Variants in ANO2 observed in about 807,000 individuals in gnomAD.
The protein encoded by ANO2 is anoctamin-2.
A neutral mutation model predicts 124.2 loss-of-function variants in ANO2; 101 were observed. The observed-to-expected ratio is 0.81, with a 90% confidence interval of 0.69 to 0.96. The LOEUF is 0.96. Ranked by LOEUF, ANO2 falls within the 40% of genes least tolerant of loss-of-function variation. The pLI, the probability that ANO2 is intolerant of heterozygous loss-of-function variation, is 0.00. For synonymous variants in ANO2, 486 were observed against 482.5 expected, an observed-to-expected ratio of 1.01 and a Z score of -0.09; for missense variants, 1,293 against 1,274.5, an observed-to-expected ratio of 1.01 and a Z score of -0.22.
At chr12:5,813,074 G>GAGGAAGGA (rs71064169) in intron 7 of ANO2, among the ~76,000 whole-genome samples, 120 of 146,126 alleles carry the variant, frequency 8.2e-4, no homozygotes, top group African/African-American at 1.6e-3. Flanking sequence ...GAAGACGAAA[G>GAGGAAGGA]AGGAAGGAAA....
intron 17 of ANO2, 42 bp from the exon 18 acceptor site, chr12:5,613,000 C>T: frequency 6.2e-7 from 1 of 1,602,958 alleles, no homozygotes; most frequent in Non-Finnish European, 8.5e-7. Flanking sequence ...GAAGAGAAAG[C>T]ATGCAGGGTG....
chr12:5,923,038 ACATG>A (rs1941797742), intron 1 of ANO2, among the ~76,000 whole-genome samples: 1 of 145,792 alleles, frequency 6.9e-6, no homozygotes, highest in African/African-American at 2.6e-5. Context: ...ACATACACAC[ACATG>A]CACGCACACA....
chr12:5,822,856 T>C (rs1432213090), intron 7 of ANO2, among the ~76,000 whole-genome samples: 1 of 152,172 alleles, frequency 6.6e-6, no homozygotes, highest in Non-Finnish European at 1.5e-5. Flanking sequence ...TCCACATGGT[T>C]GGGGAGGCCC....
intron 3 of ANO2, among the ~76,000 whole-genome samples, chr12:5,878,731 G>C (rs1275267513): frequency 2.6e-5 from 4 of 152,176 alleles, no homozygotes; most frequent in Non-Finnish European, 5.9e-5. Flanking sequence ...GATTTACACA[G>C]CATTTTATGT....
intron 10 of ANO2, among the ~76,000 whole-genome samples, chr12:5,771,451 T>TA (rs1411516613): frequency 6.6e-6 from 1 of 152,090 alleles, no homozygotes; most frequent in Non-Finnish European, 1.5e-5. Context: ...TTCTATTTTA[T>TA]AAAAAAATGG....
chr12:5,884,053 G>A (rs1399324093), intron 3 of ANO2, among the ~76,000 whole-genome samples: 6 of 152,196 alleles, frequency 3.9e-5, no homozygotes, highest in Non-Finnish European at 8.8e-5. Context: ...GAATAACAGA[G>A]TTGGGAAACC....
At chr12:5,643,653 T>G (rs1454227015) in intron 15 of ANO2, among the ~76,000 whole-genome samples, 1 of 152,232 alleles carries the variant, frequency 6.6e-6, no homozygotes, top group African/African-American at 2.4e-5. Flanking sequence ...TTTTGTTTTT[T>G]CAACTTATAC....
At chr12:5,827,907 C>T (rs948520209) in intron 6 of ANO2, 87 bp from the exon 7 acceptor site, 72 of 1,456,588 alleles carry the variant, frequency 4.9e-5, no homozygotes, top group Non-Finnish European at 6.5e-5. Context: ...CTGGCAGGGG[C>T]GGGAGGCGCC....
At chr12:5,730,260 T>G (rs1478386429) in intron 14 of ANO2, among the ~76,000 whole-genome samples, 1 of 152,210 alleles carries the variant, frequency 6.6e-6, no homozygotes, top group Non-Finnish European at 1.5e-5. Flanking sequence ...TCAATAAACA[T>G]GTTTAAAAAG....
intron 3 of ANO2, among the ~76,000 whole-genome samples, chr12:5,878,783 G>A (rs1938286929): frequency 6.6e-6 from 1 of 152,208 alleles, no homozygotes; most frequent in Non-Finnish European, 1.5e-5. Flanking sequence ...TTGTGACTTA[G>A]AGATGCCAGG....
chr12:5,903,972 T>C (rs11614570), intron 3 of ANO2, among the ~76,000 whole-genome samples: 31,961 of 152,070 alleles, frequency 0.21, 3,483 homozygotes, highest in Admixed American at 0.28. Flanking sequence ...AGCCCCCACA[T>C]GGAGGAAACC....
intron 20 of ANO2, among the ~76,000 whole-genome samples, chr12:5,598,556 A>T (rs1943778064): frequency 6.6e-6 from 1 of 152,068 alleles, no homozygotes; most frequent in Admixed American, 6.5e-5. Context: ...GAGTTTCACC[A>T]TGTTGGCCAG....
chr12:5,735,271 C>T (rs1950811057), intron 13 of ANO2, among the ~76,000 whole-genome samples: 1 of 152,160 alleles, frequency 6.6e-6, no homozygotes. Flanking sequence ...AGATCATCAC[C>T]CCTCCCATCG....
At chr12:5,847,407 G>A (rs534971991) in intron 4 of ANO2, among the ~76,000 whole-genome samples, 1 of 151,746 alleles carries the variant, frequency 6.6e-6, no homozygotes, top group East Asian at 1.9e-4. Flanking sequence ...AGACTTCCCA[G>A]CCACCATAAT....
intron 14 of ANO2, among the ~76,000 whole-genome samples, chr12:5,702,454 G>A (rs1006694729): frequency 2.6e-5 from 4 of 151,688 alleles, no homozygotes; most frequent in African/African-American, 9.7e-5. Flanking sequence ...AATATATAAA[G>A]AGCTCCTATA....
rs1555137018 is a variant in ANO2, at chr12:5,694,251, C to CAGACAGAGAGAGAGAGAGAG, written c.1545+38268_1545+38269insCTCTCTCTCTCTCTCTGTCT. Reference sequence around the variant, plus strand: ...CCTTAGCAGAAGGGTTTACCAGAGACAGAGAGAGAGAGAGAGAGAGAGAGA... The same window carrying CAGACAGAGAGAGAGAGAGAG: ...CCTTAGCAGAAGGGTTTACCAGAGACAGACAGAGAGAGAGAGAGAGAGAGAGAGAGAGAGAGAGAGAGAGA... On this transcript the variant is annotated intron_variant, in intron 14 of 24. Coordinates refer to ENST00000682330, the MANE Select transcript of ANO2 (RefSeq NM_001364791.2). 7.1e-3 allele frequency among the ~76,000 whole-genome samples: 950 copies of CAGACAGAGAGAGAGAGAGAG among 133,888 alleles called. 12 individuals carry two copies. The highest frequency in any genetic ancestry group is 0.025 in the African/African-American group (861 of 34,058). The allele number at this position is 133,888 out of a possible 152,430, so 87.8% of individuals were successfully genotyped here.
chr12:5,906,659 G>A (rs928311072), intron 3 of ANO2, among the ~76,000 whole-genome samples: 1 of 152,094 alleles, frequency 6.6e-6, no homozygotes, highest in African/African-American at 2.4e-5. Flanking sequence ...GCTGGGCATG[G>A]TGGTGCGCAC....
In ANO2 at chr12:5,807,120, G is replaced by C. The variant is rs112987456; in HGVS notation, c.948+193C>G. On this transcript the variant is annotated intron_variant, in intron 8 of 24. Coordinates refer to ENST00000682330, the MANE Select transcript of ANO2 (RefSeq NM_001364791.2). The stretch of plus-strand genomic sequence containing the variant: ...GGGGAAATCATTGCCGAGACAGTTT[G>C]AGATGATTGGCAAAAATCAAACTGG... 9.2e-3 allele frequency among the ~76,000 whole-genome samples: 1,408 copies of C among 152,302 alleles called. 17 individuals carry two copies. Among genetic ancestry groups the C allele is most frequent in the African/African-American group, 0.032 (1,333 of 41,560 alleles).
chr12:5,761,196 T>C (rs1238929979), intron 10 of ANO2, among the ~76,000 whole-genome samples: 2 of 152,060 alleles, frequency 1.3e-5, no homozygotes, highest in Non-Finnish European at 2.9e-5. Context: ...TTTCTTCCAG[T>C]CCCTTGGAAT....
Sources: gnomAD v4.1 joint callset for allele counts (sites outside exome capture counted in the v4.1 genomes callset) on GRCh38, gnomAD v4.1.1 for gene constraint, MANE v1.5 for transcripts, NCBI Gene and HGNC (gene_info 2026-07-23, HGNC 2026-07-21) for gene names.